The following TATDN3 variants were observed in gnomAD, a reference collection of about 807,000 sequenced individuals.
TATDN3 encodes TatD DNase domain containing 3.
In TATDN3, 29 loss-of-function variants were observed where a neutral mutation model predicts 40.1. The observed-to-expected ratio is 0.72, with a 90% CI of 0.54 to 0.99. The LOEUF is 0.99. Among genes scored for constraint, TATDN3 ranks in the 50% least tolerant of loss-of-function variants. The pLI is 0.00. For missense variants in TATDN3, 309 were observed against 321.9 expected (o/e 0.96, Z 0.31); for synonymous variants, 105 against 117.0 (o/e 0.90, Z 0.66).
rs530441022 is a variant in TATDN3, at chr1:212,816,491, T to A, written c.*1335T>A. 5 of 152,328 alleles carry A rather than the reference T, an allele frequency of 3.3e-5. No homozygotes were observed. The highest frequency in any genetic ancestry group is 2.1e-4 in the South Asian group (1 of 4,828). 9.4% of individuals were successfully genotyped at this position (152,328 alleles called of 1,614,324 possible). On this transcript the variant is annotated 3_prime_UTR_variant, in exon 10 of 10. Transcript: ENST00000366974. ...GTTATGTGTATTTACTACAATTTTT[T>A]AAAAATCGTATATGTAGTTTAACAG...
chr1:212,809,342 T>G (rs139395413), intron 8 of TATDN3, among the ~76,000 whole-genome samples: 1 of 152,216 alleles, frequency 6.6e-6, no homozygotes, highest in Non-Finnish European at 1.5e-5. Context: ...CACTGGATTG[T>G]GTACTTTTAA....
intron 1 of TATDN3, 70 bp downstream of exon 1, chr1:212,792,057 C>G: frequency 6.7e-7 from 1 of 1,502,138 alleles, no homozygotes; most frequent in Middle Eastern, 1.7e-4. Flanking sequence ...GTTATCTTTG[C>G]TCTCCTCCCT....
Position 212,804,668 on chromosome 1 carries a change from G to A in TATDN3, c.487+17G>A. Reference sequence around the variant, plus strand: ...AAGAGCAAGGTATTTCGTTTCCTGAGAAAAATAGGCCTAATGTTCAAGTTT... The same window carrying A: ...AAGAGCAAGGTATTTCGTTTCCTGAAAAAAATAGGCCTAATGTTCAAGTTT... On this transcript the variant is annotated intron_variant, in intron 7 of 9. Transcript: ENST00000366974. The A allele has an allele frequency of 6.2e-7, 1 of 1,607,428 alleles. No individual in the cohort carries two copies. Among genetic ancestry groups the A allele is most frequent in the Admixed American group, 1.7e-5 (1 of 58,984 alleles).
Position 212,795,141 on chromosome 1 carries a change from T to C in TATDN3, c.99+14T>C. On this transcript the variant is annotated intron_variant, in intron 2 of 9. Transcript: ENST00000366974. ...AAAGCCAAGAAGGTAAGTCAATATT[T>C]GTAATTGCTCTTTTGGTTTTTTATT... 1.2e-6 allele frequency: 2 copies of C among 1,608,138 alleles called. No individual in the cohort carries two copies. The highest frequency in any genetic ancestry group is 1.7e-6 in the Non-Finnish European group (2 of 1,175,222).
chr1:212,798,826 G>A (rs1661989577), intron 4 of TATDN3, among the ~76,000 whole-genome samples: 2 of 152,188 alleles, frequency 1.3e-5, no homozygotes, highest in Admixed American at 1.3e-4. Context: ...CCTGCTCATG[G>A]AAGCTAGATT....
intron 8 of TATDN3, among the ~76,000 whole-genome samples, chr1:212,811,545 C>T (rs150444226): frequency 0.013 from 1,989 of 151,642 alleles, 34 homozygotes; most frequent in African/African-American, 0.046. Context: ...ATTACAGGCG[C>T]GAGCTACCAC....
chr1:212,805,889 A>G (rs1325445582), intron 7 of TATDN3, among the ~76,000 whole-genome samples: 2 of 151,502 alleles, frequency 1.3e-5, no homozygotes, highest in Non-Finnish European at 2.9e-5. Context: ...CAAGCAATCC[A>G]CATATGTGTG....
chr1:212,802,585 A>C (rs778937211), intron 4 of TATDN3, 116 bp from the exon 5 acceptor site: 11 of 710,194 alleles, frequency 1.5e-5, no homozygotes, highest in Admixed American at 2.3e-5. Flanking sequence ...TTGACTGCTT[A>C]AATGGATTAA....
intron 2 of TATDN3, among the ~76,000 whole-genome samples, chr1:212,795,829 A>G (rs1661722568): frequency 6.6e-6 from 1 of 152,194 alleles, no homozygotes. Flanking sequence ...ATTTATAGCC[A>G]ATCATTCCCC....
chr1:212,791,947 T>TGGACTGTCACTGCCACCTCTCCGCCCC lies in TATDN3; in HGVS notation c.32_58dup (p.Cys11_Asp19dup). On this transcript the variant is annotated inframe_insertion, in exon 1 of 10. Transcript: ENST00000366974. ...ATGCGAGCGGCTGGCGTAGGCTTGG[T>TGGACTGTCACTGCCACCTCTCCGCCCC]GGACTGTCACTGCCACCTCTCCGCC... 6.2e-7 allele frequency: 1 copy of TGGACTGTCACTGCCACCTCTCCGCCCC among 1,613,642 alleles called. No homozygotes were observed. Among genetic ancestry groups the TGGACTGTCACTGCCACCTCTCCGCCCC allele is most frequent in the Non-Finnish European group, 8.5e-7 (1 of 1,179,874 alleles).
rs777943578 is a variant in TATDN3 at position 212,797,094 on chromosome 1, T to C, written c.174-18T>C. 1 of 1,601,914 alleles carries C rather than the reference T, an allele frequency of 6.2e-7. No individual in the cohort carries two copies. Among genetic ancestry groups the C allele is most frequent in the South Asian group, 1.1e-5 (1 of 90,792 alleles). ...TAGTCTACTGTTCCTGCTTTCTCAGTTGGTTCTACATTTTTAGGTATAATG... is the reference window on the plus strand; with the variant it reads ...TAGTCTACTGTTCCTGCTTTCTCAGCTGGTTCTACATTTTTAGGTATAATG... On this transcript the variant is annotated intron_variant, in intron 3 of 9. Coordinates refer to ENST00000366974, the MANE Select transcript of TATDN3 (RefSeq NM_001042552.3).
intron 1 of TATDN3, chr1:212,794,665 A>G (rs1358888829): frequency 6.8e-6 from 3 of 443,748 alleles, no homozygotes; most frequent in Non-Finnish European, 1.4e-5. Flanking sequence ...CACTCAAGGC[A>G]AGTGCAGAGA....
chr1:212,792,104 T>C (rs1023701483), intron 1 of TATDN3, 117 bp downstream of exon 1: 3 of 1,002,972 alleles, frequency 3.0e-6, no homozygotes, highest in Non-Finnish European at 4.5e-6. Context: ...CAGACCCTTG[T>C]TTATGGCCAT....
chr1:212,813,722 T>C (rs1388549776), intron 9 of TATDN3, among the ~76,000 whole-genome samples: 1 of 151,792 alleles, frequency 6.6e-6, no homozygotes. Context: ...GTTTTTGTTT[T>C]GTTTTTGAGA....
intron 8 of TATDN3, among the ~76,000 whole-genome samples, chr1:212,809,805 C>G (rs796401547): frequency 5.9e-5 from 9 of 152,280 alleles, no homozygotes; most frequent in African/African-American, 2.2e-4. Flanking sequence ...AGGCAGTTCA[C>G]CTGAGGTTAG....
In TATDN3 at chr1:212,807,730, T is replaced by C. The variant is rs1385249340; in HGVS notation, c.488-6T>C. On this transcript the variant is annotated splice_region_variant and splice_polypyrimidine_tract_variant and intron_variant, in intron 7 of 9. Coordinates refer to ENST00000366974, the MANE Select transcript of TATDN3 (RefSeq NM_001042552.3). Reference sequence around the variant, plus strand: ...GGAATACTGCCTTATCTTTCATTTTTGAAAGGTGCTGAGAAGGTACTGCTG... The same window carrying C: ...GGAATACTGCCTTATCTTTCATTTTCGAAAGGTGCTGAGAAGGTACTGCTG... 2 of 1,591,242 alleles carry C rather than the reference T, an allele frequency of 1.3e-6. No individual in the cohort carries two copies. The highest frequency in any genetic ancestry group is 4.5e-5 in the East Asian group (2 of 44,598).
rs1265494235 is a variant in TATDN3 at position 212,806,797 on chromosome 1, CACAT to C, written c.488-937_488-934del. 3.2e-5 allele frequency among the ~76,000 whole-genome samples: 3 copies of C among 94,122 alleles called. 1 individual carries two copies. The highest frequency in any genetic ancestry group is 3.1e-4 in the East Asian group (1 of 3,228). 61.7% of individuals were successfully genotyped at this position (94,122 alleles called of 152,430 possible). A position where few individuals can be genotyped will look rare whatever the true frequency, so the allele number is the denominator to read the frequency against. ...ATATATATATATACACACACACACA[CACAT>C]ATATACACATATATACACATATATA... On this transcript the variant is annotated intron_variant, in intron 7 of 9. Transcript: ENST00000366974.
chr1:212,802,222 CA>C (rs546415192), intron 4 of TATDN3, among the ~76,000 whole-genome samples: 19 of 152,242 alleles, frequency 1.2e-4, no homozygotes, highest in Admixed American at 8.5e-4. Flanking sequence ...GTAGTCAAAG[CA>C]GGGCTATAAA....
chr1:212,797,464 T>TTA, intron 4 of TATDN3: 2 of 351,582 alleles, frequency 5.7e-6, no homozygotes, highest in Non-Finnish European at 1.1e-5. Context: ...TTATAAAGTA[T>TTA]TATAGCACAT....
Sources: allele counts gnomAD v4.1 joint callset (sites outside exome capture counted in the v4.1 genomes callset), GRCh38; gene constraint gnomAD v4.1.1; transcripts MANE v1.5; gene names NCBI Gene and HGNC (gene_info 2026-07-23, HGNC 2026-07-21).